LMF1: variants seen among roughly 807,000 people sequenced by gnomAD.
LMF1 encodes transmembrane protein 112.
In LMF1, 68 loss-of-function variants were observed where a neutral mutation model predicts 60.6. That is an observed-to-expected ratio of 1.12 (90% CI 0.92 to 1.37). The LOEUF (loss-of-function observed/expected upper bound fraction) is 1.37, where lower values mean the gene tolerates loss of function less well. LMF1 is among the 40% of genes most tolerant of loss of function. LMF1 has a pLI of 0.00. For missense variants in LMF1, 948 were observed against 767.2 expected, an observed-to-expected ratio of 1.24 and a Z score of -2.78; for synonymous variants, 418 against 324.7, an observed-to-expected ratio of 1.29 and a Z score of -3.09.
At chr16:970,999 CCCGG>C (rs754167618), upstream of LMF1, 1 of 1,419,244 alleles carries the variant, frequency 7.0e-7, no homozygotes. Context: ...AGGGCGCACT[CCCGG>C]AGGCCCCGCC....
rs142416718 is a variant in LMF1, at chr16:929,010, GT to G, written c.514+5233del. ...CAGAGGAAGCCCTGCCCTGGCGCCTGTGCACTCTGCCCCCTACTCACACAAG... is the reference window on the plus strand; with the variant it reads ...CAGAGGAAGCCCTGCCCTGGCGCCTGGCACTCTGCCCCCTACTCACACAAG... On this transcript the variant is annotated intron_variant, in intron 3 of 10. Coordinates refer to ENST00000262301, the MANE Select transcript of LMF1 (RefSeq NM_022773.4). Among the ~76,000 whole-genome samples, 585 of 152,284 alleles carry G rather than the reference GT, an allele frequency of 3.8e-3. 4 individuals carry two copies. Among genetic ancestry groups the G allele is most frequent in the African/African-American group, 0.013 (553 of 41,564 alleles).
At chr16:922,116 G>A (rs767144491) in intron 3 of LMF1, among the ~76,000 whole-genome samples, 6 of 152,132 alleles carry the variant, frequency 3.9e-5, no homozygotes, top group Non-Finnish European at 5.9e-5. Context: ...GGACAGAGGC[G>A]ATGAGGGAGG....
At chr16:889,940 C>G (rs1326373483) in intron 5 of LMF1, among the ~76,000 whole-genome samples, 1 of 152,196 alleles carries the variant, frequency 6.6e-6, no homozygotes, top group Non-Finnish European at 1.5e-5. Flanking sequence ...CTCATGGCTG[C>G]TGCCTGACAC....
intron 2 of LMF1, among the ~76,000 whole-genome samples, chr16:941,252 C>T (rs1461987469): frequency 2.0e-5 from 3 of 148,236 alleles, no homozygotes; most frequent in Non-Finnish European, 4.5e-5. Context: ...TTTTTTGCGA[C>T]AGAGTCTCAC....
At chr16:981,395 G>A (rs1264727824), upstream of LMF1, 1 of 288,816 alleles carries the variant, frequency 3.5e-6, no homozygotes, top group Non-Finnish European at 7.5e-6. Flanking sequence ...TGTGTGTCGG[G>A]GGAGGGGCCC....
At position 970,732 on chromosome 16, in the gene LMF1, G is replaced by A. The variant is rs142343038; in HGVS notation, c.193+56C>T. ...CGGAGGAGTCTCGAGGGAGGGCGGG[G>A]GTCGTGGTGCGCGGAGGTGACACTG... is the stretch of plus-strand genomic sequence containing the variant. On this transcript the variant is annotated intron_variant, in intron 1 of 10. Coordinates refer to ENST00000262301, the MANE Select transcript of LMF1 (RefSeq NM_022773.4). The A allele has an allele frequency of 0.013, 18,870 of 1,447,336 alleles. 174 individuals carry two copies. Among genetic ancestry groups the A allele is most frequent in the Non-Finnish European group, 0.014 (15,168 of 1,071,570 alleles). The allele number at this position is 1,447,336 out of a possible 1,614,324, so 89.7% of individuals were successfully genotyped here.
intron 2 of LMF1, among the ~76,000 whole-genome samples, chr16:942,630 G>A (rs1386721143): frequency 7.2e-6 from 1 of 138,610 alleles, no homozygotes; most frequent in Non-Finnish European, 1.6e-5. Flanking sequence ...CTCTCTGTGG[G>A]GCTCCAATCA....
At chr16:912,304 T>C (rs368282702) in intron 3 of LMF1, among the ~76,000 whole-genome samples, 16 of 151,946 alleles carry the variant, frequency 1.1e-4, no homozygotes, top group Non-Finnish European at 2.1e-4. Context: ...GTGGGGGCAG[T>C]GTCTACCTGC....
In LMF1 at chr16:922,024, C is replaced by T. The variant is rs533210333; in HGVS notation, c.515-10945G>A. On this transcript the variant is annotated intron_variant, in intron 3 of 10. Coordinates refer to ENST00000262301, the MANE Select transcript of LMF1 (RefSeq NM_022773.4). ...AGTGGGCCTGGAAACCAGCGTTCCC[C>T]CACAGCTGAGGAGTAAGGGGAGAGA... Among the ~76,000 whole-genome samples, 6 of 152,258 alleles carry T rather than the reference C, an allele frequency of 3.9e-5. No individual in the cohort carries two copies. In the South Asian group the frequency reaches 1.2e-3, roughly 32 times the overall value.
In LMF1 at chr16:855,174, C is replaced by T. The variant is rs116635904; in HGVS notation, c.1530-468G>A. ...CAAGGTGCCTGGGGGTTTCGGTCCACGGGGCAGTCCGAGGCTGTGAGGGAG... is the reference window on the plus strand; with the variant it reads ...CAAGGTGCCTGGGGGTTTCGGTCCATGGGGCAGTCCGAGGCTGTGAGGGAG... On this transcript the variant is annotated intron_variant, in intron 10 of 10. Transcript: ENST00000262301. 4.7e-3 allele frequency: 1,173 copies of T among 249,250 alleles called. 6 individuals carry two copies. Among genetic ancestry groups the T allele is most frequent in the African/African-American group, 0.025 (1,100 of 44,740 alleles). 15.4% of individuals were successfully genotyped at this position (249,250 alleles called of 1,614,324 possible). A position where few individuals can be genotyped will look rare whatever the true frequency, so the allele number is the denominator to read the frequency against.
chr16:940,605 C>T (rs577101576), intron 2 of LMF1, among the ~76,000 whole-genome samples: 2 of 152,318 alleles, frequency 1.3e-5, no homozygotes, highest in East Asian at 3.9e-4. Flanking sequence ...AAACCCAACG[C>T]CGAACCCTAT....
chr16:866,899 G>A (rs2069624361), intron 10 of LMF1, among the ~76,000 whole-genome samples: 1 of 152,310 alleles, frequency 6.6e-6, no homozygotes, highest in Non-Finnish European at 1.5e-5. Flanking sequence ...CACCATTTTG[G>A]GGCTGTGGCT....
Position 870,932 on chromosome 16 carries a change from C to T in LMF1, c.1079-50G>A, listed in dbSNP as rs375026513. ...GGTGGGGCTCCCAGCTGCCCCGTGG[C>T]CTGTCCCTGGGGAGACCCCAGCTGC... On this transcript the variant is annotated intron_variant, in intron 7 of 10. Coordinates refer to ENST00000262301, the MANE Select transcript of LMF1 (RefSeq NM_022773.4). 3.9e-6 allele frequency: 6 copies of T among 1,548,052 alleles called. No homozygotes were observed. The African/African-American group carries it at 8.1e-5, about 21-fold the overall frequency.
chr16:962,353 C>T lies in LMF1; in HGVS notation c.194-7687G>A, dbSNP rs72769425. ...CAAACAAGTAAGTAACAAGATCTTC[C>T]TCACAGAGGAATTCCACATAATGTC... On this transcript the variant is annotated intron_variant, in intron 1 of 10. Transcript: ENST00000262301. The surrounding 1 kb of genome is among the most constrained non-coding windows in gnomAD (Gnocchi z 4.5). Among the ~76,000 whole-genome samples the T allele has an allele frequency of 0.017, 2,653 of 152,338 alleles. 43 individuals are homozygous for T. The highest frequency in any genetic ancestry group is 0.043 in the African/African-American group (1,787 of 41,564).
At chr16:884,275 C>A (rs901383417) in intron 5 of LMF1, 3 of 152,076 alleles carry the variant, frequency 2.0e-5, no homozygotes. Flanking sequence ...AATAGTACTA[C>A]AAACTACACA....
chr16:907,595 C>T (rs2071002535), intron 4 of LMF1, among the ~76,000 whole-genome samples: 1 of 152,012 alleles, frequency 6.6e-6, no homozygotes, highest in South Asian at 2.1e-4. Flanking sequence ...TGAAACCCTC[C>T]AGGCCACAGA....
intron 1 of LMF1, among the ~76,000 whole-genome samples, chr16:977,591 G>T (rs1242626463): frequency 6.6e-6 from 1 of 152,172 alleles, no homozygotes; most frequent in Non-Finnish European, 1.5e-5. Flanking sequence ...GCTGCCAGCG[G>T]GTTCACGCCC....
Position 861,332 on chromosome 16 carries a change from A to AACTC in LMF1, c.1530-6630_1530-6627dup, listed in dbSNP as rs202031694. ...GATCTTGTGTCTTCTGACTTTGCTG[A>AACTC]ACTCACTTATTAATTTTCTTTCTTT... On this transcript the variant is annotated intron_variant, in intron 10 of 10. Coordinates refer to ENST00000262301, the MANE Select transcript of LMF1 (RefSeq NM_022773.4). Among the ~76,000 whole-genome samples the AACTC allele has an allele frequency of 2.8e-3, 422 of 149,074 alleles. 8 individuals carry two copies. The highest frequency in any genetic ancestry group is 0.025 in the Admixed American group (372 of 14,880).
chr16:878,988 G>A lies in LMF1; in HGVS notation c.897+582C>T, dbSNP rs149702337. On this transcript the variant is annotated intron_variant, in intron 6 of 10. Transcript: ENST00000262301. The surrounding 1 kb of genome is among the most constrained non-coding windows in gnomAD (Gnocchi z 5.2). ...GCTCGGGACTGGCCCAGCCCCCCTG[G>A]AGGCAGCGTGGGGGTGCTCTGTCCT... 4.9e-3 allele frequency among the ~76,000 whole-genome samples: 750 copies of A among 152,234 alleles called. 7 individuals carry two copies. Among genetic ancestry groups the A allele is most frequent in the African/African-American group, 0.016 (671 of 41,514 alleles).
Sources: gnomAD v4.1 joint callset for allele counts (sites outside exome capture counted in the v4.1 genomes callset) on GRCh38, gnomAD v4.1.1 for gene constraint, Gnocchi (gnomAD v3.1) non-coding constraint, MANE v1.5 for transcripts, NCBI Gene and HGNC (gene_info 2026-07-23, HGNC 2026-07-21) for gene names.